Variants in ATP13A4 observed in about 807,000 individuals in gnomAD.
ATP13A4 encodes the protein ATPase 13A4, also known as probable cation-transporting ATPase 13A4.
ATP13A4 carries 114 observed loss-of-function variants against 142.5 expected under a neutral mutation model. That is an observed-to-expected ratio of 0.80 (90% CI 0.69 to 0.93). The LOEUF (loss-of-function observed/expected upper bound fraction) is 0.93. Ranked by LOEUF, ATP13A4 falls within the 40% of genes least tolerant of loss-of-function variation. ATP13A4 has a pLI of 0.00. For missense variants in ATP13A4, 1,392 were observed against 1,454.0 expected, an observed-to-expected ratio of 0.96 and a Z score of 0.69; for synonymous variants, 488 against 514.8, an observed-to-expected ratio of 0.95 and a Z score of 0.70.
chr3:193,586,090 T>TAC (rs60074904), intron 1 of ATP13A4, among the ~76,000 whole-genome samples: 36 of 150,946 alleles, frequency 2.4e-4, no homozygotes, highest in Middle Eastern at 3.4e-3. Context: ...TATACACACA[T>TAC]ACACACACAC....
chr3:193,567,677 T>C (rs1275822394), intron 2 of ATP13A4, among the ~76,000 whole-genome samples: 1 of 152,194 alleles, frequency 6.6e-6, no homozygotes, highest in Non-Finnish European at 1.5e-5. Context: ...TGCACTGTCC[T>C]TAGAAATGGA....
At chr3:193,531,317 A>AGGGAG (rs1216522503) in intron 1 of ATP13A4, among the ~76,000 whole-genome samples, 8 of 89,038 alleles carry the variant, frequency 9.0e-5, no homozygotes, top group Middle Eastern at 5.5e-3. Context: ...GAAGGAAGGA[A>AGGGAG]GGAAGGAAGG....
At chr3:193,548,442 G>A (rs894912924) in intron 1 of ATP13A4, among the ~76,000 whole-genome samples, 9 of 152,220 alleles carry the variant, frequency 5.9e-5, no homozygotes, top group Non-Finnish European at 1.2e-4. Flanking sequence ...TCGAAGATGA[G>A]TTGACTTCAT....
chr3:193,573,042 G>A (rs141746607), intron 2 of ATP13A4, among the ~76,000 whole-genome samples: 1 of 140,784 alleles, frequency 7.1e-6, no homozygotes, highest in Non-Finnish European at 1.5e-5. Flanking sequence ...GTGGGGGGCA[G>A]GGGTTGGGGG....
chr3:193,570,581 T>A (rs1043543936), intron 2 of ATP13A4, among the ~76,000 whole-genome samples: 10 of 152,214 alleles, frequency 6.6e-5, no homozygotes, highest in Admixed American at 6.5e-5. Flanking sequence ...AAGGGAAGGA[T>A]AAAGGACTGG....
At chr3:193,417,422 A>G (rs922642502) in intron 25 of ATP13A4, among the ~76,000 whole-genome samples, 8 of 152,268 alleles carry the variant, frequency 5.3e-5, no homozygotes, top group Non-Finnish European at 8.8e-5. Flanking sequence ...TGTAACATCA[A>G]CAATATAAAA....
intron 2 of ATP13A4, among the ~76,000 whole-genome samples, chr3:193,578,301 C>CTATATCTATATA (rs1309186098): frequency 2.7e-4 from 15 of 55,458 alleles, no homozygotes; most frequent in Admixed American, 5.4e-4. Context: ...TCAGAAATAT[C>CTATATCTATATA]TATATCTATA....
At chr3:193,509,664 C>A (rs1042809638) in intron 2 of ATP13A4, among the ~76,000 whole-genome samples, 1 of 152,164 alleles carries the variant, frequency 6.6e-6, no homozygotes, top group Admixed American at 6.5e-5. Flanking sequence ...ACAGCGGTCA[C>A]AAATGAAAAC....
rs912504772 is a variant in ATP13A4, at chr3:193,423,763, G to A, written c.2843-9013C>T. Among the ~76,000 whole-genome samples, 2 of 149,146 alleles carry A rather than the reference G, an allele frequency of 1.3e-5. 1 individual carries two copies. The highest frequency in any genetic ancestry group is 4.9e-5 in the African/African-American group (2 of 40,624). On this transcript the variant is annotated intron_variant, in intron 25 of 29. Transcript: ENST00000342695. The stretch of plus-strand genomic sequence containing the variant: ...TTAAAAGCTTTTCCTTTAAAATCTG[G>A]AACAAGAAAAGGATGCCCACTTTTG...
intron 1 of ATP13A4, among the ~76,000 whole-genome samples, chr3:193,545,014 T>C (rs1723143229): frequency 1.3e-5 from 2 of 152,226 alleles, no homozygotes; most frequent in African/African-American, 4.8e-5. Context: ...ACTCATAATA[T>C]ATGCACACAT....
At chr3:193,521,449 T>G (rs910572976) in intron 1 of ATP13A4, among the ~76,000 whole-genome samples, 1 of 152,200 alleles carries the variant, frequency 6.6e-6, no homozygotes, top group Non-Finnish European at 1.5e-5. Flanking sequence ...AAAGGTAGAC[T>G]ATACAAGGAA....
In ATP13A4 at chr3:193,425,079, G is replaced by A. The variant is rs549142987; in HGVS notation, c.2842+8766C>T. The stretch of plus-strand genomic sequence containing the variant: ...TTCTCCAAAAAAACCATAGAAATAG[G>A]TATGCCATATGCCAACAGATATATG... On this transcript the variant is annotated intron_variant, in intron 25 of 29. Coordinates refer to ENST00000342695, the MANE Select transcript of ATP13A4 (RefSeq NM_032279.4). Among the ~76,000 whole-genome samples, 8 of 150,270 alleles carry A rather than the reference G, an allele frequency of 5.3e-5. 1 individual carries two copies. The South Asian group carries it at 1.1e-3, about 20-fold the overall frequency.
intron 10 of ATP13A4, among the ~76,000 whole-genome samples, chr3:193,467,007 A>G (rs1718329948): frequency 6.6e-6 from 1 of 152,138 alleles, no homozygotes; most frequent in African/African-American, 2.4e-5. Context: ...AGTCAATAAT[A>G]ACTTAATTAT....
rs182364255 is a variant in ATP13A4, at chr3:193,550,833, A to T, written c.60+3907T>A. 3.2e-3 allele frequency among the ~76,000 whole-genome samples: 494 copies of T among 152,326 alleles called. 3 individuals are homozygous for T. The highest frequency in any genetic ancestry group is 0.011 in the African/African-American group (463 of 41,564). ...CTCACTGGAACAAAACACTTCCCCA[A>T]AAGATTGATTGTGTTAAGGTGTAAC... On this transcript the variant is annotated intron_variant, in intron 1 of 29. Transcript: ENST00000342695.
chr3:193,490,784 C>T (rs1435091627), intron 6 of ATP13A4, among the ~76,000 whole-genome samples: 5 of 151,830 alleles, frequency 3.3e-5, no homozygotes, highest in East Asian at 1.9e-4. Context: ...AAGGAGGAGT[C>T]GAGAGAGAGC....
At chr3:193,549,074 T>C (rs1480342854) in intron 1 of ATP13A4, among the ~76,000 whole-genome samples, 2 of 152,168 alleles carry the variant, frequency 1.3e-5, no homozygotes, top group African/African-American at 4.8e-5. Flanking sequence ...CTGATAATTT[T>C]CAATGTCAGC....
Position 193,455,945 on chromosome 3 carries a change from C to T in ATP13A4, c.1915+1055G>A, listed in dbSNP as rs572473630. 4.6e-5 allele frequency among the ~76,000 whole-genome samples: 7 copies of T among 152,146 alleles called. No individual in the cohort carries two copies. The South Asian group carries it at 1.5e-3, about 32-fold the overall frequency. On this transcript the variant is annotated intron_variant, in intron 16 of 29. Transcript: ENST00000342695. ...GCAAGCTAACATAGGAACATAAAAC[C>T]AAACTTATATGTGGGAGCTAAATAA...
chr3:193,484,755 A>G (rs1359737050), intron 7 of ATP13A4, among the ~76,000 whole-genome samples: 1 of 152,248 alleles, frequency 6.6e-6, no homozygotes, highest in African/African-American at 2.4e-5. Context: ...GCAAATTTTA[A>G]TATTTCAGGA....
intron 2 of ATP13A4, among the ~76,000 whole-genome samples, chr3:193,569,774 A>G (rs1399127094): frequency 6.6e-6 from 1 of 152,052 alleles, no homozygotes; most frequent in African/African-American, 2.4e-5. Flanking sequence ...AGCTCAAGCA[A>G]TCCTCCCACC....
Sources: allele counts gnomAD v4.1 joint callset (sites outside exome capture counted in the v4.1 genomes callset), GRCh38; gene constraint gnomAD v4.1.1; transcripts MANE v1.5; gene names NCBI Gene and HGNC (gene_info 2026-07-23, HGNC 2026-07-21).